The following SULF2 variants were observed in gnomAD, a reference collection of about 807,000 sequenced individuals.
SULF2 encodes sulfatase 2.
Under a neutral mutation model 107.7 loss-of-function variants are expected in SULF2, and 52 were observed. The ratio of observed to expected loss-of-function variants is 0.48; its 90% CI spans 0.39 to 0.61. The LOEUF (loss-of-function observed/expected upper bound fraction) is 0.61. Ranked by LOEUF, SULF2 falls within the 20% of genes least tolerant of loss-of-function variation. The probability of loss-of-function intolerance (pLI) is 0.00; values close to 1 mark genes in which losing one functional copy is unlikely to be tolerated. For synonymous variants in SULF2, 460 were observed against 464.3 expected (o/e 0.99, Z 0.12); for missense variants, 993 against 1,177.3 (o/e 0.84, Z 2.29).
At chr20:47,782,393 G>A (rs2090848522) in intron 1 of SULF2, among the ~76,000 whole-genome samples, 1 of 152,138 alleles carries the variant, frequency 6.6e-6, no homozygotes, top group African/African-American at 2.4e-5. Flanking sequence ...CCTTCAATCC[G>A]GCTGGGCCAG....
At chr20:47,775,108 C>T (rs899550425) in intron 1 of SULF2, among the ~76,000 whole-genome samples, 1 of 152,174 alleles carries the variant, frequency 6.6e-6, no homozygotes, top group African/African-American at 2.4e-5. Flanking sequence ...AGCCACACTG[C>T]CTGGTATTCA....
At chr20:47,752,491 A>G (rs2146880237) in intron 2 of SULF2, among the ~76,000 whole-genome samples, 1 of 150,652 alleles carries the variant, frequency 6.6e-6, no homozygotes, top group East Asian at 2.0e-4. Flanking sequence ...GCACTTTGGG[A>G]GGCCAATGGG....
intron 17 of SULF2, 24 bp from the exon 18 acceptor site, chr20:47,661,920 TCAA>T: frequency 6.5e-7 from 1 of 1,532,406 alleles, no homozygotes; most frequent in Non-Finnish European, 8.9e-7. Flanking sequence ...AGGTAGTCTG[TCAA>T]CAAGGTAAGT....
At chr20:47,665,363 T>C (rs933945603) in intron 13 of SULF2, 70 bp from the exon 14 acceptor site, 4 of 1,020,552 alleles carry the variant, frequency 3.9e-6, no homozygotes, top group Admixed American at 3.4e-5. Flanking sequence ...GCCTGGTGAC[T>C]GCCCCCACGC....
Position 47,663,518 on chromosome 20 carries a change from C to A in SULF2, c.2162G>T (p.Ser721Ile). Residue 721 changes from serine to isoleucine, a missense_variant, in exon 16 of 21, where the codon AGC becomes ATC. By Grantham distance (142) the Ser-to-Ile change is moderately radical. Around this residue, in one of 3 missense-constraint regions of SULF2, gnomAD observed 497 missense variants for 544.1 expected, o/e 0.91. Transcript: ENST00000688720. ...GGTGAAGCACGTGAGGCCTGGCATG[C>A]TGCACGTGTCGTTGTTCTGCAGGCG... ...LKRLQNNDTC[S>I]MPGLTCFTHD... is the part of the protein sequence containing the mutation. 1 of 1,612,736 alleles carries A rather than the reference C, an allele frequency of 6.2e-7. No homozygotes were observed.
chr20:47,663,596 A>T lies in SULF2; in HGVS notation c.2084T>A (p.Val695Glu), dbSNP rs1225244089. ...GCGCTTCTGCTCCCGCAACAGCCAC[A>T]CCTTGTCCTTCTCTTGCAGGCCCTT... ...FRKGLQEKDKVWLLREQKRKK... is the reference protein window; with the variant it reads ...FRKGLQEKDKEWLLREQKRKK... Residue 695 changes from valine (V) to glutamate (E), a missense_variant, in exon 16 of 21, where the codon GTG becomes GAG. Coordinates refer to ENST00000688720, the MANE Select transcript of SULF2 (RefSeq NM_001387048.1). 6.2e-7 allele frequency: 1 copy of T among 1,601,748 alleles called. No homozygotes were observed. Among genetic ancestry groups the T allele is most frequent in the Admixed American group, 1.7e-5 (1 of 59,196 alleles).
chr20:47,658,585 A>G (rs571650506), intron 20 of SULF2, among the ~76,000 whole-genome samples, 193 bp from the exon 21 acceptor site: 1 of 152,352 alleles, frequency 6.6e-6, no homozygotes, highest in South Asian at 2.1e-4. Flanking sequence ...ATGCCTGGCA[A>G]GGATGGCATT....
intron 3 of SULF2, among the ~76,000 whole-genome samples, chr20:47,715,240 A>G (rs2089078027): frequency 6.6e-6 from 1 of 151,418 alleles, no homozygotes; most frequent in African/African-American, 2.4e-5. Context: ...CTCAAATGTT[A>G]ACTTACTGGG....
At chr20:47,727,022 G>T (rs1264095462) in intron 3 of SULF2, among the ~76,000 whole-genome samples, 1 of 148,530 alleles carries the variant, frequency 6.7e-6, no homozygotes, top group Non-Finnish European at 1.5e-5. Flanking sequence ...AAGAGCGGCA[G>T]GTTTGCTCAG....
intron 11 of SULF2, among the ~76,000 whole-genome samples, chr20:47,670,682 G>GGAGAGCGGGGTGGGGGAACGGGGT: frequency 3.4e-3 from 1 of 294 alleles, no homozygotes; most frequent in Admixed American, 0.071. Context: ...CAGCAGGGTG[G>GGAGAGCGGGGTGGGGGAACGGGGT]GAGAGCGGGG....
In SULF2 at chr20:47,684,594, G is replaced by A; in HGVS notation, c.738-13C>T. ...GTAGCTCGGCGTGCTGGTGGGCAAG[G>A]ACATACACATCGGTCAAACCCAGGG... is the stretch of plus-strand genomic sequence containing the variant. On this transcript the variant is annotated splice_polypyrimidine_tract_variant and intron_variant, in intron 5 of 20. Transcript: ENST00000688720. 6.2e-7 allele frequency: 1 copy of A among 1,612,186 alleles called. No individual in the cohort carries two copies. Among genetic ancestry groups the A allele is most frequent in the Non-Finnish European group, 8.5e-7 (1 of 1,178,928 alleles).
chr20:47,732,801 C>T (rs918411987), intron 3 of SULF2, among the ~76,000 whole-genome samples: 1 of 152,146 alleles, frequency 6.6e-6, no homozygotes, highest in Non-Finnish European at 1.5e-5. Flanking sequence ...TGAGATTACG[C>T]CACTGCACTC....
intron 1 of SULF2, among the ~76,000 whole-genome samples, chr20:47,771,299 G>A (rs751665264): frequency 6.6e-6 from 1 of 152,170 alleles, no homozygotes; most frequent in South Asian, 2.1e-4. Context: ...GGGGTTCTGA[G>A]CAGGGCAGGA....
intron 5 of SULF2, among the ~76,000 whole-genome samples, chr20:47,686,654 G>A (rs1371839070): frequency 6.6e-6 from 1 of 152,242 alleles, no homozygotes; most frequent in Non-Finnish European, 1.5e-5. Flanking sequence ...GGCCTGGTAC[G>A]TCGGGACTTC....
At chr20:47,751,338 T>TGG (rs1489636687) in intron 2 of SULF2, among the ~76,000 whole-genome samples, 3 of 152,210 alleles carry the variant, frequency 2.0e-5, no homozygotes, top group African/African-American at 7.2e-5. Context: ...ATGGTTCAAG[T>TGG]GGGGTTGGCT....
chr20:47,723,853 G>A (rs1468397274), intron 3 of SULF2, among the ~76,000 whole-genome samples: 1 of 152,194 alleles, frequency 6.6e-6, no homozygotes, highest in East Asian at 1.9e-4. Context: ...GAAATAAAGT[G>A]CACACTAAAT....
At chr20:47,724,305 G>A (rs1014304999) in intron 3 of SULF2, among the ~76,000 whole-genome samples, 1 of 152,224 alleles carries the variant, frequency 6.6e-6, no homozygotes, top group Non-Finnish European at 1.5e-5. Context: ...GATCGCCAGG[G>A]CGAGAGGCGA....
At chr20:47,659,838 C>G in intron 18 of SULF2, 108 bp from the exon 19 acceptor site, 2 of 809,054 alleles carry the variant, frequency 2.5e-6, no homozygotes, top group Non-Finnish European at 4.2e-6. Context: ...TCCCATGATG[C>G]TGATAGTGTT....
At chr20:47,752,036 T>C (rs1362539581) in intron 2 of SULF2, among the ~76,000 whole-genome samples, 1 of 152,202 alleles carries the variant, frequency 6.6e-6, no homozygotes, top group Non-Finnish European at 1.5e-5. Context: ...CTCACCTGCA[T>C]GAGCGTGGAC....
Sources: allele counts gnomAD v4.1 joint callset (sites outside exome capture counted in the v4.1 genomes callset), GRCh38; gene constraint gnomAD v4.1.1; regional missense constraint gnomAD v4.1.1; transcripts MANE v1.5; gene names NCBI Gene and HGNC (gene_info 2026-07-23, HGNC 2026-07-21).